SLC8A1: variants seen among roughly 807,000 people sequenced by gnomAD.
The protein encoded by SLC8A1 is solute carrier family 8 member A1, also known as sodium/calcium exchanger 1.
SLC8A1 carries 18 observed loss-of-function variants against 68.3 expected under a neutral mutation model. The observed-to-expected ratio is 0.26, with a 90% CI of 0.18 to 0.39. The LOEUF (loss-of-function observed/expected upper bound fraction) is 0.39. SLC8A1 is among the 10% of genes least tolerant of loss of function. SLC8A1 has a pLI of 1.00. For missense variants in SLC8A1, 985 were observed against 1,156.7 expected (o/e 0.85, Z 2.15); for synonymous variants, 475 against 415.5 (o/e 1.14, Z -1.74).
At chr2:40,161,621 C>T in intron 5 of SLC8A1, among the ~76,000 whole-genome samples, 1 of 152,282 alleles carries the variant, frequency 6.6e-6, no homozygotes, top group Non-Finnish European at 1.5e-5. Context: ...CTCTAGCTTT[C>T]TAAATTCAGT....
chr2:40,193,867 G>A (rs184758081), intron 2 of SLC8A1, among the ~76,000 whole-genome samples: 1 of 152,064 alleles, frequency 6.6e-6, no homozygotes, highest in Non-Finnish European at 1.5e-5. Context: ...ATACTTTAAA[G>A]AAGTGTCTGG....
chr2:40,203,351 G>C (rs2054773907), intron 2 of SLC8A1, among the ~76,000 whole-genome samples: 1 of 151,984 alleles, frequency 6.6e-6, no homozygotes, highest in African/African-American at 2.4e-5. Context: ...AAAGAACTTT[G>C]TTGTGATATA....
intron 1 of SLC8A1, among the ~76,000 whole-genome samples, chr2:40,447,434 C>G (rs1465860545): frequency 6.6e-6 from 1 of 152,094 alleles, no homozygotes; most frequent in South Asian, 2.1e-4. Context: ...TTCCTGGGCA[C>G]TCACATCGCC....
intron 2 of SLC8A1, among the ~76,000 whole-genome samples, chr2:40,361,142 G>C (rs753388937): frequency 7.2e-5 from 11 of 152,080 alleles, no homozygotes; most frequent in Non-Finnish European, 1.2e-4. Flanking sequence ...CATGGCATTC[G>C]GGTGTTAACA....
chr2:40,248,636 A>G (rs1168614554), intron 2 of SLC8A1, among the ~76,000 whole-genome samples: 1 of 152,160 alleles, frequency 6.6e-6, no homozygotes, highest in Non-Finnish European at 1.5e-5. Context: ...TTGAGGCTTT[A>G]TTGGGGGAGG....
chr2:40,133,713 AC>A (rs1340420951), intron 7 of SLC8A1, among the ~76,000 whole-genome samples: 1 of 142,646 alleles, frequency 7.0e-6, no homozygotes, highest in East Asian at 2.1e-4. Flanking sequence ...CCCCCCCCCC[AC>A]CGACTCATCA....
At chr2:40,179,873 G>A (rs572772316) in intron 2 of SLC8A1, among the ~76,000 whole-genome samples, 6 of 152,096 alleles carry the variant, frequency 3.9e-5, no homozygotes, top group Non-Finnish European at 7.4e-5. Flanking sequence ...AAATGCTTAA[G>A]TCTTGCTTTT....
chr2:40,212,657 G>T (rs564934818), intron 2 of SLC8A1, among the ~76,000 whole-genome samples: 5 of 152,246 alleles, frequency 3.3e-5, no homozygotes, highest in Admixed American at 1.3e-4. Context: ...CCTTCTGAAG[G>T]CATTAGGAGC....
chr2:40,175,967 A>G (rs2048398053), intron 3 of SLC8A1: 1 of 450,530 alleles, frequency 2.2e-6, no homozygotes, highest in South Asian at 1.6e-5. Flanking sequence ...TCTGTACATT[A>G]TTAGATAACC....
intron 2 of SLC8A1, among the ~76,000 whole-genome samples, chr2:40,233,505 CA>C (rs1376662569): frequency 7.0e-6 from 1 of 142,794 alleles, no homozygotes; most frequent in Non-Finnish European, 1.5e-5. Flanking sequence ...AGCCCTTTGT[CA>C]GATGAGTAGG....
chr2:40,352,180 C>T (rs554508732), intron 2 of SLC8A1, among the ~76,000 whole-genome samples: 1 of 152,220 alleles, frequency 6.6e-6, no homozygotes, highest in South Asian at 2.1e-4. Context: ...AGAGAAGGAA[C>T]TTGCAGTTGT....
intron 2 of SLC8A1, among the ~76,000 whole-genome samples, chr2:40,341,638 C>G (rs1410374579): frequency 6.6e-6 from 1 of 152,130 alleles, no homozygotes; most frequent in Admixed American, 6.5e-5. Flanking sequence ...TTACCCTAAG[C>G]CTCACTTCTT....
chr2:40,198,541 A>T (rs1431880334), intron 2 of SLC8A1, among the ~76,000 whole-genome samples: 1 of 151,936 alleles, frequency 6.6e-6, no homozygotes, highest in Non-Finnish European at 1.5e-5. Context: ...TTCTTTTTTA[A>T]AAAAGACTGC....
chr2:40,279,280 T>C (rs957954508), intron 2 of SLC8A1, among the ~76,000 whole-genome samples: 22 of 152,186 alleles, frequency 1.4e-4, no homozygotes, highest in Non-Finnish European at 2.5e-4. Context: ...TACTACATTG[T>C]AGCCTCACAG....
At chr2:40,186,128 A>T (rs1378745623) in intron 2 of SLC8A1, among the ~76,000 whole-genome samples, 1 of 152,208 alleles carries the variant, frequency 6.6e-6, no homozygotes, top group African/African-American at 2.4e-5. Flanking sequence ...ATAAGGTATT[A>T]TGAAAATGTC....
intron 2 of SLC8A1, among the ~76,000 whole-genome samples, chr2:40,315,267 C>G (rs1018953599): frequency 2.0e-5 from 3 of 151,600 alleles, no homozygotes; most frequent in African/African-American, 7.3e-5. Flanking sequence ...TTTCCCTTTT[C>G]TAGTTCGTCA....
At chr2:40,471,635 A>G (rs2149902961) in intron 1 of SLC8A1, among the ~76,000 whole-genome samples, 1 of 152,330 alleles carries the variant, frequency 6.6e-6, no homozygotes, top group East Asian at 1.9e-4. Flanking sequence ...CCTCATTAAA[A>G]TAAGAAGTTA....
chr2:40,097,878 T>C (rs1240095448), exon 8 of SLC8A1: 1 of 151,974 alleles, frequency 6.6e-6, no homozygotes, highest in Admixed American at 6.6e-5. Context: ...GAATTTATTC[T>C]TCTGTGGGCT....
chr2:40,128,841 C>T (rs1215905633), intron 7 of SLC8A1, among the ~76,000 whole-genome samples: 1 of 152,170 alleles, frequency 6.6e-6, no homozygotes, highest in East Asian at 1.9e-4. Context: ...ATTTCAAAAT[C>T]TTACAGAATC....
Sources: gnomAD v4.1 joint callset for allele counts (sites outside exome capture counted in the v4.1 genomes callset) on GRCh38, gnomAD v4.1.1 for gene constraint, MANE v1.5 for transcripts, NCBI Gene and HGNC (gene_info 2026-07-23, HGNC 2026-07-21) for gene names.